Variants in HECW1 observed in about 807,000 individuals in gnomAD.
The protein encoded by HECW1 is HECT, C2 and WW domain containing E3 ubiquitin protein ligase 1.
In HECW1, 61 loss-of-function variants were observed where a neutral mutation model predicts 182.3. The ratio of observed to expected loss-of-function variants is 0.33; its 90% CI spans 0.27 to 0.41. The LOEUF (loss-of-function observed/expected upper bound fraction) is 0.41, where lower values mean the gene tolerates loss of function less well. Ranked by LOEUF, HECW1 falls within the 10% of genes least tolerant of loss-of-function variation. HECW1 has a pLI of 1.00. For missense variants in HECW1, 1,739 were observed against 2,108.9 expected, an observed-to-expected ratio of 0.82 and a Z score of 3.44; for synonymous variants, 859 against 832.6, an observed-to-expected ratio of 1.03 and a Z score of -0.55.
At chr7:43,216,523 GT>G (rs1796456430) in intron 2 of HECW1, among the ~76,000 whole-genome samples, 1 of 152,114 alleles carries the variant, frequency 6.6e-6, no homozygotes, top group Non-Finnish European at 1.5e-5. Flanking sequence ...GCACCACTGA[GT>G]TTTTCTCTTT....
chr7:43,227,217 A>G (rs12702027), intron 2 of HECW1, among the ~76,000 whole-genome samples: 79,938 of 151,966 alleles, frequency 0.53, 21,457 homozygotes, highest in Middle Eastern at 0.58. Flanking sequence ...TGATCTTGAA[A>G]TTCAGGCTAC....
At chr7:43,448,503 A>T (rs2077132793) in intron 11 of HECW1, among the ~76,000 whole-genome samples, 1 of 152,186 alleles carries the variant, frequency 6.6e-6, no homozygotes, top group African/African-American at 2.4e-5. Flanking sequence ...CTCATGTGCA[A>T]AATGGGTATA....
intron 8 of HECW1, among the ~76,000 whole-genome samples, chr7:43,416,882 C>T (rs1370443622): frequency 1.3e-5 from 2 of 151,770 alleles, no homozygotes; most frequent in African/African-American, 2.4e-5. Context: ...CGCCCTGCTT[C>T]GGCTCGAGCA....
At chr7:43,185,404 G>A (rs116574021) in intron 2 of HECW1, among the ~76,000 whole-genome samples, 2,331 of 143,826 alleles carry the variant, frequency 0.016, 51 homozygotes, top group African/African-American at 0.054. Flanking sequence ...GTAAATAGTC[G>A]GAACTGTCTC....
At chr7:43,475,440 A>C (rs934297241) in intron 16 of HECW1, among the ~76,000 whole-genome samples, 1 of 152,246 alleles carries the variant, frequency 6.6e-6, no homozygotes, top group African/African-American at 2.4e-5. Flanking sequence ...ACATGTGAAC[A>C]ATACTTAATA....
chr7:43,237,140 A>AGGAG (rs1554321392), intron 2 of HECW1, among the ~76,000 whole-genome samples: 1 of 133,854 alleles, frequency 7.5e-6, no homozygotes, highest in Non-Finnish European at 1.6e-5. Flanking sequence ...GAAGGAAGGA[A>AGGAG]GTAGGTAGGT....
In HECW1 at chr7:43,393,154, C is replaced by A. The variant is rs2075102627; in HGVS notation, c.556-3660C>A. On this transcript the variant is annotated intron_variant, in intron 6 of 29. Transcript: ENST00000395891. Reference sequence around the variant, plus strand: ...GAAACATTTGGGTGCAAGACACACACAGTGAAACTGCCAGAGCTTCAACAG... The same window carrying A: ...GAAACATTTGGGTGCAAGACACACAAAGTGAAACTGCCAGAGCTTCAACAG... 2.0e-5 allele frequency among the ~76,000 whole-genome samples: 3 copies of A among 152,110 alleles called. No individual in the cohort carries two copies. The South Asian group carries it at 6.2e-4, about 32-fold the overall frequency.
intron 10 of HECW1, among the ~76,000 whole-genome samples, chr7:43,443,247 A>G (rs1383982237): frequency 6.6e-6 from 1 of 152,218 alleles, no homozygotes; most frequent in African/African-American, 2.4e-5. Flanking sequence ...GAGAACTGTT[A>G]GGACCTCCTG....
At chr7:43,347,325 GGTTGCT>G (rs1813817013) in intron 5 of HECW1, among the ~76,000 whole-genome samples, 1 of 151,736 alleles carries the variant, frequency 6.6e-6, no homozygotes, top group Non-Finnish European at 1.5e-5. Context: ...TTCTCTGCTT[GGTTGCT>G]GTTGATGTAT....
chr7:43,201,069 T>A (rs1270975572), intron 2 of HECW1, among the ~76,000 whole-genome samples: 1 of 152,040 alleles, frequency 6.6e-6, no homozygotes, highest in Non-Finnish European at 1.5e-5. Context: ...AGGGGAGGTG[T>A]GTGTGTGTTA....
rs552591156 is a variant in HECW1, at chr7:43,228,051, C to A, written c.-31-15824C>A. ...GGCTGGGAAGGGTGAGTAAGCAGGG[C>A]TTTCCAAAATTAAAGTGTTAGGAGG... On this transcript the variant is annotated intron_variant, in intron 2 of 29. Coordinates refer to ENST00000395891, the MANE Select transcript of HECW1 (RefSeq NM_015052.5). 2.0e-5 allele frequency among the ~76,000 whole-genome samples: 3 copies of A among 152,314 alleles called. No homozygotes were observed. In the South Asian group the frequency reaches 6.2e-4, roughly 32 times the overall value.
chr7:43,150,409 C>T (rs562700116), intron 2 of HECW1, among the ~76,000 whole-genome samples: 1 of 152,132 alleles, frequency 6.6e-6, no homozygotes, highest in Non-Finnish European at 1.5e-5. Flanking sequence ...GATTGAGTCT[C>T]ACTCTGCCAC....
At chr7:43,172,395 T>C (rs1027959285) in intron 2 of HECW1, among the ~76,000 whole-genome samples, 3 of 149,674 alleles carry the variant, frequency 2.0e-5, no homozygotes, top group African/African-American at 7.4e-5. Flanking sequence ...TTTAGTATTT[T>C]CTAAAAATCT....
At chr7:43,437,080 T>C (rs2076735796) in intron 8 of HECW1, among the ~76,000 whole-genome samples, 1 of 152,166 alleles carries the variant, frequency 6.6e-6, no homozygotes, top group African/African-American at 2.4e-5. Flanking sequence ...AAAGACCTGC[T>C]TTCTCCCTCC....
At chr7:43,128,946 G>A (rs1786593662) in intron 2 of HECW1, among the ~76,000 whole-genome samples, 1 of 151,980 alleles carries the variant, frequency 6.6e-6, no homozygotes, top group African/African-American at 2.4e-5. Context: ...GCATGATGAT[G>A]TGACTGATTG....
intron 1 of HECW1, 65 bp downstream of exon 1, chr7:43,113,002 T>G: frequency 1.1e-5 from 2 of 184,976 alleles, no homozygotes; most frequent in Non-Finnish European, 2.3e-5. Context: ...TCTGGGCGGC[T>G]TCCCCGCCGC....
chr7:43,251,595 C>T (rs113965284), intron 3 of HECW1, among the ~76,000 whole-genome samples: 9,639 of 152,222 alleles, frequency 0.063, 421 homozygotes, highest in African/African-American at 0.12. Context: ...AGATTACAGG[C>T]GTGAGCCACC....
intron 2 of HECW1, among the ~76,000 whole-genome samples, chr7:43,217,799 C>T (rs183909518): frequency 1.3e-5 from 2 of 152,346 alleles, no homozygotes; most frequent in Non-Finnish European, 2.9e-5. Context: ...CCACTCATGT[C>T]TTTTAGAATT....
chr7:43,542,462 A>G (rs967652555), intron 26 of HECW1, among the ~76,000 whole-genome samples: 1 of 151,370 alleles, frequency 6.6e-6, no homozygotes, highest in African/African-American at 2.4e-5. Context: ...TTCTTCCTTT[A>G]TATGTATATA....
Sources: gnomAD v4.1 joint callset for allele counts (sites outside exome capture counted in the v4.1 genomes callset) on GRCh38, gnomAD v4.1.1 for gene constraint, MANE v1.5 for transcripts, NCBI Gene and HGNC (gene_info 2026-07-23, HGNC 2026-07-21) for gene names.